The following FAM184B variants were observed in gnomAD, a reference collection of about 807,000 sequenced individuals.
FAM184B encodes the protein protein FAM184B.
A neutral mutation model predicts 135.9 loss-of-function variants in FAM184B; 111 were observed. That is an observed-to-expected ratio of 0.82 (90% CI 0.70 to 0.96). FAM184B has a LOEUF of 0.96. FAM184B is among the 40% of genes least tolerant of loss of function. FAM184B has a pLI of 0.00. For missense variants in FAM184B, 1,375 were observed against 1,323.9 expected (o/e 1.04, Z -0.60); for synonymous variants, 552 against 524.8 (o/e 1.05, Z -0.71).
Position 17,652,129 on chromosome 4 carries a change from C to CTTT in FAM184B, c.2191+698_2191+700dup, listed in dbSNP as rs1173327491. Among the ~76,000 whole-genome samples, 439 of 81,408 alleles carry CTTT rather than the reference C, an allele frequency of 5.4e-3. 10 individuals carry two copies. Among genetic ancestry groups the CTTT allele is most frequent in the African/African-American group, 0.012 (296 of 25,054 alleles). 53.4% of individuals were successfully genotyped at this position (81,408 alleles called of 152,430 possible). A position where few individuals can be genotyped will look rare whatever the true frequency, so the allele number is the denominator to read the frequency against. On this transcript the variant is annotated intron_variant, in intron 11 of 17. Coordinates refer to ENST00000265018, the MANE Select transcript of FAM184B (RefSeq NM_015688.2). ...ATGCTAGACACTTTATATTTAATAT[C>CTTT]TTTTTTTTTTTTTTTTTTTGAGTCT...
rs1049596754 is a variant in FAM184B, at chr4:17,773,875, C to T, written c.141+7284G>A. ...TACAGGTGTGAGCCACCGCGCCCAG[C>T]CAAGCCTTCAGTTTGAGAGATGGTT... is the stretch of plus-strand genomic sequence containing the variant. On this transcript the variant is annotated intron_variant, in intron 1 of 17. Coordinates refer to ENST00000265018, the MANE Select transcript of FAM184B (RefSeq NM_015688.2). Among the ~76,000 whole-genome samples the T allele has an allele frequency of 2.3e-4, 35 of 152,308 alleles. 1 individual carries two copies. The highest frequency in any genetic ancestry group is 7.7e-4 in the African/African-American group (32 of 41,574).
chr4:17,656,898 T>C (rs543116350), intron 10 of FAM184B, among the ~76,000 whole-genome samples: 1 of 152,292 alleles, frequency 6.6e-6, no homozygotes, highest in East Asian at 1.9e-4. Context: ...AAAAAGACAA[T>C]GTTTCCAGTC....
intron 1 of FAM184B, among the ~76,000 whole-genome samples, chr4:17,724,859 T>A (rs2108974231): frequency 6.6e-6 from 1 of 152,302 alleles, no homozygotes; most frequent in Non-Finnish European, 1.5e-5. Flanking sequence ...AGACCACCCT[T>A]CGTAGGACTC....
chr4:17,630,724 G>A lies in FAM184B; in HGVS notation c.*1808C>T, dbSNP rs1218755547. The stretch of plus-strand genomic sequence containing the variant: ...TAAAAATGCATTGGAGCCTCGTTTT[G>A]ATTAGGCAGTAAATTTACCTTTAAT... On this transcript the variant is annotated 3_prime_UTR_variant, in exon 18 of 18. Coordinates refer to ENST00000265018, the MANE Select transcript of FAM184B (RefSeq NM_015688.2). 6.6e-6 allele frequency: 1 copy of A among 151,864 alleles called. No homozygotes were observed. Among genetic ancestry groups the A allele is most frequent in the Non-Finnish European group, 1.5e-5 (1 of 68,000 alleles). The allele number at this position is 151,864 out of a possible 1,614,324, so 9.4% of individuals were successfully genotyped here.
intron 7 of FAM184B, among the ~76,000 whole-genome samples, chr4:17,667,562 G>A (rs11727312): frequency 0.51 from 78,032 of 152,004 alleles, 22,873 homozygotes; most frequent in East Asian, 0.83. Context: ...ACCTGTCCTG[G>A]GGCACTCCAA....
chr4:17,779,543 C>T (rs1718994413), intron 1 of FAM184B, among the ~76,000 whole-genome samples: 1 of 152,138 alleles, frequency 6.6e-6, no homozygotes, highest in African/African-American at 2.4e-5. Context: ...GGAATGATTG[C>T]TATTTTATAT....
rs568930355 is a variant in FAM184B at position 17,752,123 on chromosome 4, C to T, written c.141+29036G>A. Among the ~76,000 whole-genome samples the T allele has an allele frequency of 4.6e-5, 7 of 152,108 alleles. 1 individual carries two copies. In the South Asian group the frequency reaches 1.0e-3, roughly 23 times the overall value. On this transcript the variant is annotated intron_variant, in intron 1 of 17. Transcript: ENST00000265018. ...CTGGCTCTGTTTTCACTAGGCTGTA[C>T]CAAGCTTGGAAGTCTTCAGTACTAG... is the stretch of plus-strand genomic sequence containing the variant.
intron 1 of FAM184B, among the ~76,000 whole-genome samples, chr4:17,715,198 G>C (rs1717380129): frequency 6.6e-6 from 1 of 152,144 alleles, no homozygotes; most frequent in South Asian, 2.1e-4. Flanking sequence ...GTTGGGGCCA[G>C]GCTCAGTGGC....
chr4:17,645,732 C>T (rs1391173844), intron 12 of FAM184B, among the ~76,000 whole-genome samples: 1 of 151,456 alleles, frequency 6.6e-6, no homozygotes, highest in South Asian at 2.1e-4. Flanking sequence ...CAAGTGGGAT[C>T]TAATTAAACT....
intron 1 of FAM184B, among the ~76,000 whole-genome samples, chr4:17,720,470 T>C (rs1717495037): frequency 6.6e-6 from 1 of 152,190 alleles, no homozygotes; most frequent in East Asian, 1.9e-4. Context: ...CTCATTAGAA[T>C]GGCTATCATC....
intron 8 of FAM184B, 108 bp downstream of exon 8, chr4:17,664,454 A>AAGG (rs1032810703): frequency 1.3e-5 from 11 of 842,544 alleles, no homozygotes; most frequent in Non-Finnish European, 1.8e-5. Context: ...AGCATGCTGC[A>AAGG]AGGAGCAGTG....
At position 17,633,879 on chromosome 4, in the gene FAM184B, C is replaced by T. The variant is rs1560162310; in HGVS notation, c.2899G>A (p.Val967Met). The change falls in exon 17 of 18, where the codon GTG becomes ATG. Residue 967 changes from valine (V) to methionine (M), a missense_variant. By Grantham distance (21) the Val-to-Met change is conservative. Coordinates refer to ENST00000265018, the MANE Select transcript of FAM184B (RefSeq NM_015688.2). The stretch of plus-strand genomic sequence containing the variant: ...ACCACGCGGCTGGGCACGTCCTCCA[C>T]CTTCTTTTTCTGTTTGTATTAATGG... Reference protein sequence around the residue: ...YLTPSMKKKKVEDVPSRVVSV... With the variant: ...YLTPSMKKKKMEDVPSRVVSV... The T allele has an allele frequency of 1.9e-6, 3 of 1,547,768 alleles. No individual in the cohort carries two copies. Among genetic ancestry groups the T allele is most frequent in the South Asian group, 1.2e-5 (1 of 83,606 alleles).
At chr4:17,747,791 G>C (rs1009941947) in intron 1 of FAM184B, among the ~76,000 whole-genome samples, 1 of 151,304 alleles carries the variant, frequency 6.6e-6, no homozygotes, top group African/African-American at 2.4e-5. Flanking sequence ...CGAGGTGGCG[G>C]GCGCCTGTAG....
chr4:17,753,683 AG>A (rs1718358278), intron 1 of FAM184B, among the ~76,000 whole-genome samples: 1 of 152,214 alleles, frequency 6.6e-6, no homozygotes, highest in Non-Finnish European at 1.5e-5. Context: ...CAAACACAGA[AG>A]GAGCCAAGAA....
At chr4:17,637,553 T>G (rs1715180680) in intron 14 of FAM184B, among the ~76,000 whole-genome samples, 1 of 152,144 alleles carries the variant, frequency 6.6e-6, no homozygotes, top group Admixed American at 6.5e-5. Flanking sequence ...GGCATGAAAC[T>G]GGGTGGTTGT....
chr4:17,764,237 T>C (rs1408101187), intron 1 of FAM184B, among the ~76,000 whole-genome samples: 1 of 152,184 alleles, frequency 6.6e-6, no homozygotes, highest in Non-Finnish European at 1.5e-5. Flanking sequence ...CCTGGAACAA[T>C]TCAGCTCTGG....
chr4:17,633,872 T>C lies in FAM184B; in HGVS notation c.2906A>G (p.Asp969Gly). The C allele has an allele frequency of 6.5e-7, 1 of 1,549,080 alleles. No individual in the cohort carries two copies. The highest frequency in any genetic ancestry group is 8.7e-7 in the Non-Finnish European group (1 of 1,145,802). Residue 969 changes from aspartate (D) to glycine (G), a missense_variant, in exon 17 of 18, where the codon GAC (aspartate) becomes GGC (glycine). Transcript: ENST00000265018. ...TPSMKKKKVE[D>G]VPSRVVSVPN... Reference sequence around the variant, plus strand: ...CACGCTGACCACGCGGCTGGGCACGTCCTCCACCTTCTTTTTCTGTTTGTA... The same window carrying C: ...CACGCTGACCACGCGGCTGGGCACGCCCTCCACCTTCTTTTTCTGTTTGTA...
chr4:17,638,134 CTTT>C (rs56926847), intron 14 of FAM184B, among the ~76,000 whole-genome samples: 2 of 73,410 alleles, frequency 2.7e-5, no homozygotes, highest in Non-Finnish European at 5.4e-5. Context: ...TAACTGTTTG[CTTT>C]TTTTTTTTTT....
chr4:17,634,643 AGCCTTT>A (rs2108925605), intron 16 of FAM184B, among the ~76,000 whole-genome samples: 1 of 152,308 alleles, frequency 6.6e-6, no homozygotes, highest in Non-Finnish European at 1.5e-5. Flanking sequence ...ATTTTTTAAG[AGCCTTT>A]AGGATTTTGT....
Sources: allele counts gnomAD v4.1 joint callset (sites outside exome capture counted in the v4.1 genomes callset), GRCh38; gene constraint gnomAD v4.1.1; transcripts MANE v1.5; gene names NCBI Gene and HGNC (gene_info 2026-07-23, HGNC 2026-07-21).